The following CDK14 variants were observed in gnomAD, a reference collection of about 807,000 sequenced individuals.
The protein encoded by CDK14 is cyclin dependent kinase 14.
In CDK14, 34 loss-of-function variants were observed where a neutral mutation model predicts 60.7. The ratio of observed to expected loss-of-function variants is 0.56; its 90% CI spans 0.43 to 0.75. CDK14 has a LOEUF of 0.75. CDK14 is among the 30% of genes least tolerant of loss of function. The pLI, the probability that CDK14 is intolerant of heterozygous loss-of-function variation, is 0.00. For synonymous variants in CDK14, 197 were observed against 203.7 expected (o/e 0.97, Z 0.28); for missense variants, 482 against 564.1 (o/e 0.85, Z 1.47).
rs554638665 is a variant in CDK14, at chr7:91,119,805, C to T, written c.*28+1597C>T. ...TAAAGTATGATGTATAAATGACAGTCAGAAGATGTTACTGTTAAACTTGCC... is the reference window on the plus strand; with the variant it reads ...TAAAGTATGATGTATAAATGACAGTTAGAAGATGTTACTGTTAAACTTGCC... On this transcript the variant is annotated intron_variant, in intron 14 of 14. Transcript: ENST00000380050. Among the ~76,000 whole-genome samples, 9 of 152,216 alleles carry T rather than the reference C, an allele frequency of 5.9e-5. No homozygotes were observed. The East Asian group carries it at 1.7e-3, about 29-fold the overall frequency.
At chr7:90,711,079 T>G (rs1272016841) in intron 2 of CDK14, among the ~76,000 whole-genome samples, 1 of 152,118 alleles carries the variant, frequency 6.6e-6, no homozygotes, top group African/African-American at 2.4e-5. Flanking sequence ...ATGGTGAATG[T>G]TAAAAAAATC....
chr7:90,946,702 A>G (rs1429755028), intron 8 of CDK14, among the ~76,000 whole-genome samples: 1 of 152,226 alleles, frequency 6.6e-6, no homozygotes, highest in African/African-American at 2.4e-5. Flanking sequence ...GCATTTCAGA[A>G]GAGCCTTTTA....
intron 3 of CDK14, among the ~76,000 whole-genome samples, chr7:90,733,407 A>G (rs985471073): frequency 2.6e-5 from 4 of 152,040 alleles, no homozygotes; most frequent in Admixed American, 2.6e-4. Context: ...TTTTCTGTCT[A>G]ATTGATCTGT....
At chr7:91,142,136 T>C (rs1800484880) in intron 14 of CDK14, among the ~76,000 whole-genome samples, 1 of 152,212 alleles carries the variant, frequency 6.6e-6, no homozygotes. Context: ...ACAGTGCTTT[T>C]AAATATTTAA....
At chr7:90,709,519 G>A (rs1351581093) in intron 2 of CDK14, 6 of 1,611,652 alleles carry the variant, frequency 3.7e-6, no homozygotes, top group Non-Finnish European at 5.1e-6. Context: ...AAGACAGTGT[G>A]TTGTGAATTG....
intron 14 of CDK14, among the ~76,000 whole-genome samples, chr7:91,148,096 C>A (rs1800712716): frequency 6.6e-6 from 1 of 152,072 alleles, no homozygotes; most frequent in Admixed American, 6.5e-5. Flanking sequence ...ATTTGCAGGC[C>A]AGGTGTGGTG....
At chr7:90,689,437 A>T (rs966355515) in intron 2 of CDK14, among the ~76,000 whole-genome samples, 4 of 152,194 alleles carry the variant, frequency 2.6e-5, no homozygotes, top group Non-Finnish European at 4.4e-5. Context: ...AGATTGAGCA[A>T]GAATGGCAGA....
At chr7:91,020,062 A>G (rs1289291988) in intron 10 of CDK14, among the ~76,000 whole-genome samples, 2 of 152,176 alleles carry the variant, frequency 1.3e-5, no homozygotes, top group African/African-American at 4.8e-5. Context: ...TAATCAGGGC[A>G]TGCTCTTCTC....
chr7:90,724,261 A>G (rs1802552791), intron 2 of CDK14, among the ~76,000 whole-genome samples: 1 of 152,046 alleles, frequency 6.6e-6, no homozygotes, highest in South Asian at 2.1e-4. Context: ...CTGTAGTGAT[A>G]TCACTGCTCC....
intron 3 of CDK14, among the ~76,000 whole-genome samples, chr7:90,741,697 T>C (rs1025403053): frequency 2.0e-5 from 3 of 152,218 alleles, no homozygotes; most frequent in Non-Finnish European, 2.9e-5. Context: ...AAAGCACAAA[T>C]GCTTGTTAAT....
intron 3 of CDK14, among the ~76,000 whole-genome samples, chr7:90,741,903 T>TA (rs1562747777): frequency 1.3e-5 from 2 of 152,148 alleles, no homozygotes; most frequent in Admixed American, 6.5e-5. Context: ...TATTGAATTT[T>TA]AAAAATTGTT....
intron 14 of CDK14, among the ~76,000 whole-genome samples, chr7:91,122,762 C>T (rs1799819004): frequency 2.0e-5 from 3 of 152,110 alleles, no homozygotes; most frequent in African/African-American, 4.8e-5. Flanking sequence ...CCTCTTTTTG[C>T]CTCAGATTCA....
chr7:90,951,610 C>T (rs1211918238), intron 8 of CDK14, among the ~76,000 whole-genome samples: 1 of 152,014 alleles, frequency 6.6e-6, no homozygotes, highest in Non-Finnish European at 1.5e-5. Flanking sequence ...AAATCCCTAG[C>T]CAATTTTACC....
At chr7:90,918,204 A>T (rs1253278254) in intron 8 of CDK14, among the ~76,000 whole-genome samples, 1 of 152,200 alleles carries the variant, frequency 6.6e-6, no homozygotes, top group East Asian at 1.9e-4. Flanking sequence ...GTTGCAGGAG[A>T]TACACAATAA....
chr7:90,983,714 G>C (rs1327946332), intron 9 of CDK14, among the ~76,000 whole-genome samples: 1 of 151,738 alleles, frequency 6.6e-6, no homozygotes, highest in Non-Finnish European at 1.5e-5. Context: ...AGTGTTGTTT[G>C]CAGCAACATG....
intron 12 of CDK14, among the ~76,000 whole-genome samples, chr7:91,089,589 G>A (rs1261997978): frequency 6.7e-6 from 1 of 149,904 alleles, no homozygotes; most frequent in Non-Finnish European, 1.5e-5. Flanking sequence ...AAAAAAACAG[G>A]CAACTGTTTA....
chr7:91,040,127 T>A (rs1315203336), intron 10 of CDK14, among the ~76,000 whole-genome samples: 2 of 152,186 alleles, frequency 1.3e-5, no homozygotes. Flanking sequence ...ATGAGGCCAC[T>A]GGATCCTGAA....
chr7:90,635,536 G>A (rs1377369237), intron 2 of CDK14, among the ~76,000 whole-genome samples: 2 of 152,164 alleles, frequency 1.3e-5, no homozygotes, highest in Non-Finnish European at 2.9e-5. Flanking sequence ...GGTTACTGTA[G>A]CCTTGTAGTA....
intron 5 of CDK14, among the ~76,000 whole-genome samples, chr7:90,848,443 C>A (rs773888552): frequency 1.2e-4 from 18 of 152,156 alleles, no homozygotes; most frequent in Non-Finnish European, 2.6e-4. Flanking sequence ...CAGGTAGAAG[C>A]CTGGCAGTAT....
Sources: allele counts gnomAD v4.1 joint callset (sites outside exome capture counted in the v4.1 genomes callset), GRCh38; gene constraint gnomAD v4.1.1; transcripts MANE v1.5; gene names NCBI Gene and HGNC (gene_info 2026-07-23, HGNC 2026-07-21).